Variants in RBMS3 observed in about 807,000 individuals in gnomAD.
RBMS3 encodes the protein RNA-binding motif, single-stranded-interacting protein 3.
In RBMS3, 27 loss-of-function variants were observed where a neutral mutation model predicts 66.8. That is an observed-to-expected ratio of 0.40 (90% CI 0.30 to 0.56). The LOEUF is 0.56. RBMS3 is among the 20% of genes least tolerant of loss of function. RBMS3 has a pLI of 0.40. For missense variants in RBMS3, 513 were observed against 549.5 expected, an observed-to-expected ratio of 0.93 and a Z score of 0.66; for synonymous variants, 188 against 183.0, an observed-to-expected ratio of 1.03 and a Z score of -0.22.
chr3:29,621,291 C>A (rs761177945), intron 4 of RBMS3, among the ~76,000 whole-genome samples: 1 of 151,858 alleles, frequency 6.6e-6, no homozygotes, highest in Non-Finnish European at 1.5e-5. Context: ...AACTCTTATG[C>A]CCTCTGAAAA....
rs1185861167 is a variant in RBMS3, at chr3:29,578,790, C to CTTTTTTTTTTTTTTTT, written c.308-8317_308-8302dup. Among the ~76,000 whole-genome samples, 609 of 100,996 alleles carry CTTTTTTTTTTTTTTTT rather than the reference C, an allele frequency of 6.0e-3. 34 individuals carry two copies. Among genetic ancestry groups the CTTTTTTTTTTTTTTTT allele is most frequent in the African/African-American group, 7.9e-3 (173 of 22,026 alleles). 66.3% of individuals were successfully genotyped at this position (100,996 alleles called of 152,430 possible). A position where few individuals can be genotyped will look rare whatever the true frequency, so the allele number is the denominator to read the frequency against. On this transcript the variant is annotated intron_variant, in intron 3 of 14. Coordinates refer to ENST00000383767, the MANE Select transcript of RBMS3 (RefSeq NM_001003793.3). Reference sequence around the variant, plus strand: ...AAAGAATCACAGGTAATACATGCTTCTTTTTTTTTTTTTTTTTTTTTTGAG... The same window carrying CTTTTTTTTTTTTTTTT: ...AAAGAATCACAGGTAATACATGCTTCTTTTTTTTTTTTTTTTTTTTTTTTTTTTTTTTTTTTTTGAG...
At chr3:29,461,074 TACTC>T (rs2042352877) in intron 2 of RBMS3, among the ~76,000 whole-genome samples, 3 of 152,344 alleles carry the variant, frequency 2.0e-5, no homozygotes, top group East Asian at 3.9e-4. Context: ...TCACAAATTT[TACTC>T]ACTATTTGTC....
At chr3:29,481,149 C>G (rs1326648811) in intron 2 of RBMS3, among the ~76,000 whole-genome samples, 1 of 152,110 alleles carries the variant, frequency 6.6e-6, no homozygotes, top group East Asian at 1.9e-4. Context: ...GTTGCAATGA[C>G]TAACATGAGT....
At chr3:29,464,247 A>G (rs562551294) in intron 2 of RBMS3, among the ~76,000 whole-genome samples, 1 of 152,340 alleles carries the variant, frequency 6.6e-6, no homozygotes, top group East Asian at 1.9e-4. Flanking sequence ...ACTGGGAGGT[A>G]GGAGGCAAGG....
intron 1 of RBMS3, among the ~76,000 whole-genome samples, chr3:29,321,503 TAAGA>T: frequency 6.6e-6 from 1 of 152,284 alleles, no homozygotes; most frequent in Non-Finnish European, 1.5e-5. Context: ...AAGGATGAGA[TAAGA>T]AAGAAACTCA....
At chr3:29,959,888 T>C (rs2149733067) in intron 12 of RBMS3, among the ~76,000 whole-genome samples, 1 of 152,178 alleles carries the variant, frequency 6.6e-6, no homozygotes, top group South Asian at 2.1e-4. Context: ...CACCAGATCC[T>C]TCCTGCAACA....
At chr3:29,644,242 TAAA>T (rs946592087) in intron 4 of RBMS3, among the ~76,000 whole-genome samples, 30 of 151,900 alleles carry the variant, frequency 2.0e-4, no homozygotes, top group Admixed American at 1.8e-3. Context: ...TCCAAAAAAA[TAAA>T]AAAAAGGAAA....
At chr3:29,921,567 T>C (rs1019383494) in intron 10 of RBMS3, among the ~76,000 whole-genome samples, 1 of 151,950 alleles carries the variant, frequency 6.6e-6, no homozygotes, top group African/African-American at 2.4e-5. Flanking sequence ...TACCAATCAA[T>C]TAACCAGTGA....
At chr3:29,755,534 G>A (rs538621844) in intron 5 of RBMS3, among the ~76,000 whole-genome samples, 2 of 152,290 alleles carry the variant, frequency 1.3e-5, no homozygotes, top group East Asian at 3.9e-4. Context: ...TGAGGTAAAG[G>A]CAAAGAGATG....
At chr3:29,465,719 T>C (rs1046443587) in intron 2 of RBMS3, among the ~76,000 whole-genome samples, 1 of 152,180 alleles carries the variant, frequency 6.6e-6, no homozygotes, top group Non-Finnish European at 1.5e-5. Flanking sequence ...GCTATTTAGA[T>C]GGTTTATTTT....
intron 2 of RBMS3, among the ~76,000 whole-genome samples, chr3:29,461,970 G>C (rs1182382230): frequency 1.7e-5 from 2 of 116,314 alleles, no homozygotes; most frequent in African/African-American, 3.3e-5. Context: ...TACAGATGAG[G>C]TTTCACCGTG....
At chr3:29,370,076 C>T (rs967868817) in intron 1 of RBMS3, among the ~76,000 whole-genome samples, 7 of 152,178 alleles carry the variant, frequency 4.6e-5, no homozygotes, top group African/African-American at 1.4e-4. Flanking sequence ...TGATGGACAG[C>T]CCGGCCTCAT....
intron 6 of RBMS3, among the ~76,000 whole-genome samples, chr3:29,812,432 C>A (rs572866120): frequency 1.3e-5 from 2 of 152,108 alleles, no homozygotes; most frequent in South Asian, 4.1e-4. Context: ...TTGGAAGATT[C>A]TAGGTATTGG....
intron 1 of RBMS3, among the ~76,000 whole-genome samples, chr3:29,334,868 ATTC>A (rs1181117745): frequency 2.0e-5 from 3 of 152,198 alleles, no homozygotes; most frequent in Non-Finnish European, 2.9e-5. Flanking sequence ...TGAGTGTATA[ATTC>A]TTCTTCGCAT....
intron 1 of RBMS3, among the ~76,000 whole-genome samples, chr3:29,328,057 A>C (rs1575552795): frequency 1.3e-5 from 2 of 152,190 alleles, no homozygotes; most frequent in South Asian, 4.1e-4. Context: ...CTTAGGTGGC[A>C]CTTACTCTGA....
chr3:29,842,975 T>C (rs1182782383), intron 6 of RBMS3, among the ~76,000 whole-genome samples: 2 of 152,208 alleles, frequency 1.3e-5, no homozygotes, highest in Non-Finnish European at 2.9e-5. Flanking sequence ...TTTGTATTGC[T>C]TTAAGCCACT....
chr3:29,517,616 C>A (rs182418726), intron 3 of RBMS3, among the ~76,000 whole-genome samples: 1 of 152,288 alleles, frequency 6.6e-6, no homozygotes, highest in Non-Finnish European at 1.5e-5. Flanking sequence ...AGCCACCGCG[C>A]CCGGCCCTAC....
chr3:29,887,798 G>A (rs553447610), intron 8 of RBMS3, among the ~76,000 whole-genome samples: 4 of 151,882 alleles, frequency 2.6e-5, no homozygotes, highest in Non-Finnish European at 5.9e-5. Context: ...ATGATAACTT[G>A]TTATGCATGA....
intron 3 of RBMS3, among the ~76,000 whole-genome samples, chr3:29,543,969 T>C (rs1163187144): frequency 6.6e-6 from 1 of 152,152 alleles, no homozygotes; most frequent in Non-Finnish European, 1.5e-5. Context: ...CAAATAACTG[T>C]TCATCATCCT....
Sources: allele counts gnomAD v4.1 joint callset (sites outside exome capture counted in the v4.1 genomes callset), GRCh38; gene constraint gnomAD v4.1.1; transcripts MANE v1.5; gene names NCBI Gene and HGNC (gene_info 2026-07-23, HGNC 2026-07-21).